The following TRAM2 variants were observed in gnomAD, a reference collection of about 807,000 sequenced individuals.
TRAM2 encodes the protein translocation associated membrane protein 2.
Under a neutral mutation model 51.0 loss-of-function variants are expected in TRAM2, and 12 were observed. The observed-to-expected ratio is 0.24, with a 90% CI of 0.15 to 0.38. TRAM2 has a LOEUF of 0.38. Ranked by LOEUF, TRAM2 falls within the 10% of genes least tolerant of loss-of-function variation. The pLI is 1.00. For missense variants in TRAM2, 361 were observed against 462.0 expected (o/e 0.78, Z 2.00); for synonymous variants, 175 against 179.4 (o/e 0.98, Z 0.20).
chr6:52,522,905 C>T (rs751584391), intron 2 of TRAM2: 2 of 702,518 alleles, frequency 2.8e-6, no homozygotes, highest in South Asian at 3.0e-5. Flanking sequence ...GCGGCTTCTC[C>T]TGCCTGCCTT....
At chr6:52,554,408 T>A (rs939679504) in intron 1 of TRAM2, among the ~76,000 whole-genome samples, 4 of 151,204 alleles carry the variant, frequency 2.6e-5, no homozygotes, top group Non-Finnish European at 5.9e-5. Flanking sequence ...TAATCCCAGC[T>A]ACTCGGGTGG....
intron 2 of TRAM2, among the ~76,000 whole-genome samples, chr6:52,532,855 G>GT (rs1488738774): frequency 6.6e-6 from 1 of 152,016 alleles, no homozygotes; most frequent in East Asian, 1.9e-4. Flanking sequence ...TCTAACTTTA[G>GT]TTTTTTTCTG....
chr6:52,506,028 T>C lies in TRAM2; in HGVS notation c.731+4A>G. On this transcript the variant is annotated splice_donor_region_variant and intron_variant, in intron 8 of 10. Coordinates refer to ENST00000182527, the MANE Select transcript of TRAM2 (RefSeq NM_012288.4). ...GCGGGCCAGCCTGCAGCAGACCCACTTACAGTTTCTCGTTGTTTTCATCTG... is the reference window on the plus strand; with the variant it reads ...GCGGGCCAGCCTGCAGCAGACCCACCTACAGTTTCTCGTTGTTTTCATCTG... 2 of 1,614,078 alleles carry C rather than the reference T, an allele frequency of 1.2e-6. No homozygotes were observed. The highest frequency in any genetic ancestry group is 1.7e-6 in the Non-Finnish European group (2 of 1,179,980).
chr6:52,526,045 A>T (rs1581877879), intron 2 of TRAM2, among the ~76,000 whole-genome samples: 1 of 151,894 alleles, frequency 6.6e-6, no homozygotes, highest in East Asian at 1.9e-4. Flanking sequence ...CACCATCTTG[A>T]TTTCAGACTT....
At chr6:52,543,254 C>T (rs1767136355) in intron 1 of TRAM2, among the ~76,000 whole-genome samples, 1 of 152,224 alleles carries the variant, frequency 6.6e-6, no homozygotes, top group African/African-American at 2.4e-5. Context: ...CCACCTGCCC[C>T]CACCAAGTAG....
intron 1 of TRAM2, among the ~76,000 whole-genome samples, chr6:52,553,879 CTT>C (rs1449815649): frequency 1.3e-5 from 2 of 152,182 alleles, no homozygotes; most frequent in African/African-American, 4.8e-5. Context: ...CATTCTTCCT[CTT>C]GTTTTTTATC....
intron 1 of TRAM2, among the ~76,000 whole-genome samples, chr6:52,569,934 AG>A (rs1767650536): frequency 6.6e-6 from 1 of 152,230 alleles, no homozygotes; most frequent in African/African-American, 2.4e-5. Flanking sequence ...GCAGAGCTGT[AG>A]AAGACCACCA....
Position 52,504,465 on chromosome 6 carries a change from G to A in TRAM2, c.1039+126C>T, listed in dbSNP as rs185534837. 191 of 1,490,388 alleles carry A rather than the reference G, an allele frequency of 1.3e-4. 1 individual carries two copies. The African/African-American group carries it at 2.4e-3, about 19-fold the overall frequency. The allele number at this position is 1,490,388 out of a possible 1,614,324, so 92.3% of individuals were successfully genotyped here. A position where few individuals can be genotyped will look rare whatever the true frequency, so the allele number is the denominator to read the frequency against. ...TAGGAGCCCCAGCCCTGAGGTAAGA[G>A]TCAGGAAGGAGAAGCTGGCAGGATT... On this transcript the variant is annotated intron_variant, in intron 10 of 10. Coordinates refer to ENST00000182527, the MANE Select transcript of TRAM2 (RefSeq NM_012288.4).
In TRAM2 at chr6:52,500,343, AAC is replaced by A. The variant is rs1766184757; in HGVS notation, c.*2852_*2853del. On this transcript the variant is annotated 3_prime_UTR_variant, in exon 11 of 11. Coordinates refer to ENST00000182527, the MANE Select transcript of TRAM2 (RefSeq NM_012288.4). ...GAAGTGGAATTATTTCAGCTCTGGC[AAC>A]ACAGTCTGTGTCAACCTGCCACAGA... is the stretch of plus-strand genomic sequence containing the variant. 2.0e-5 allele frequency: 3 copies of A among 152,176 alleles called. No individual in the cohort carries two copies. Among genetic ancestry groups the A allele is most frequent in the Non-Finnish European group, 4.4e-5 (3 of 68,036 alleles). 9.4% of individuals were successfully genotyped at this position (152,176 alleles called of 1,614,324 possible).
At chr6:52,546,236 G>A (rs780399224) in intron 1 of TRAM2, among the ~76,000 whole-genome samples, 1 of 152,194 alleles carries the variant, frequency 6.6e-6, no homozygotes, top group Non-Finnish European at 1.5e-5. Context: ...GGGAAAATGA[G>A]GGGCCTGTGT....
At chr6:52,517,001 A>C (rs1766564031) in intron 2 of TRAM2, 1 of 446,924 alleles carries the variant, frequency 2.2e-6, no homozygotes, top group African/African-American at 2.0e-5. Context: ...GCAGCAGAGC[A>C]CAGTGGTTAT....
chr6:52,572,103 G>C (rs1767689428), intron 1 of TRAM2, among the ~76,000 whole-genome samples: 1 of 152,184 alleles, frequency 6.6e-6, no homozygotes, highest in African/African-American at 2.4e-5. Flanking sequence ...CCAAATTTCT[G>C]CTCTGTTGCT....
chr6:52,510,628 A>T (rs977012980), intron 4 of TRAM2, among the ~76,000 whole-genome samples: 2 of 152,220 alleles, frequency 1.3e-5, no homozygotes, highest in Non-Finnish European at 2.9e-5. Flanking sequence ...AGGGAAATGA[A>T]GATGTCTGCT....
intron 4 of TRAM2, among the ~76,000 whole-genome samples, chr6:52,510,634 C>T (rs1369628801): frequency 2.0e-5 from 3 of 152,232 alleles, no homozygotes; most frequent in Non-Finnish European, 4.4e-5. Context: ...ATGAAGATGT[C>T]TGCTCAGCCC....
chr6:52,554,846 ACAGCCTCAACCTCC>A lies in TRAM2; in HGVS notation c.121-19014_121-19001del, dbSNP rs557438231. On this transcript the variant is annotated intron_variant, in intron 1 of 10. Coordinates refer to ENST00000182527, the MANE Select transcript of TRAM2 (RefSeq NM_012288.4). ...CAGTGGGGTGCAACCACAGCTCACC[ACAGCCTCAACCTCC>A]CAGCCTCAAATGATCCTCCTACCTC... is the stretch of plus-strand genomic sequence containing the variant. 2.8e-3 allele frequency among the ~76,000 whole-genome samples: 414 copies of A among 146,874 alleles called. 5 individuals carry two copies. The highest frequency in any genetic ancestry group is 0.01 in the African/African-American group (396 of 39,346).
At chr6:52,560,170 G>A (rs541377850) in intron 1 of TRAM2, among the ~76,000 whole-genome samples, 2 of 152,118 alleles carry the variant, frequency 1.3e-5, no homozygotes, top group East Asian at 3.9e-4. Flanking sequence ...CTTGAACCTG[G>A]GAGGCGAAGG....
At chr6:52,576,576 A>C (rs1351480691) in intron 1 of TRAM2, among the ~76,000 whole-genome samples, 1 of 152,218 alleles carries the variant, frequency 6.6e-6, no homozygotes, top group Non-Finnish European at 1.5e-5. Flanking sequence ...AGGGGGCGGC[A>C]GAGCATGGCA....
intron 1 of TRAM2, among the ~76,000 whole-genome samples, chr6:52,563,605 G>A (rs1180672149): frequency 6.7e-6 from 1 of 148,274 alleles, no homozygotes; most frequent in African/African-American, 2.5e-5. Context: ...TCTAGTCCCA[G>A]CTACTCAGGA....
Position 52,505,703 on chromosome 6 carries a change from G to A in TRAM2, c.771C>T (p.Leu257=). ...CCAGCACGGCAAGGGTGAGGATGAA[G>A]AGGCGGGTAACCCCAAAAACAGCAG... ...AWAAVFGVTR[L]FILTLAVLAI... The change falls in exon 9 of 11, where the codon CTC becomes CTT. Residue 257 remains leucine (L), a synonymous_variant. Transcript: ENST00000182527. 1.2e-6 allele frequency: 2 copies of A among 1,613,338 alleles called. No homozygotes were observed. Among genetic ancestry groups the A allele is most frequent in the Middle Eastern group, 3.3e-4 (2 of 6,058 alleles).
Sources: gnomAD v4.1 joint callset for allele counts (sites outside exome capture counted in the v4.1 genomes callset) on GRCh38, gnomAD v4.1.1 for gene constraint, MANE v1.5 for transcripts, NCBI Gene and HGNC (gene_info 2026-07-23, HGNC 2026-07-21) for gene names.